Variants in NDUFS1 observed in about 807,000 individuals in gnomAD.
NDUFS1 encodes the protein NADH-ubiquinone oxidoreductase 75 kDa subunit, mitochondrial.
A neutral mutation model predicts 84.4 loss-of-function variants in NDUFS1; 61 were observed. The observed-to-expected ratio is 0.72, with a 90% confidence interval of 0.59 to 0.89. The LOEUF (loss-of-function observed/expected upper bound fraction) is 0.89. NDUFS1 is among the 40% of genes least tolerant of loss of function. The pLI is 0.00. For missense variants in NDUFS1, 891 were observed against 890.0 expected (o/e 1.00, Z -0.01); for synonymous variants, 275 against 290.0 (o/e 0.95, Z 0.53).
Position 206,117,578 on chromosome 2 carries a change from T to G in NDUFS1, c.*6607A>C, listed in dbSNP as rs1275497027. 1 of 152,238 alleles carries G rather than the reference T, an allele frequency of 6.6e-6. No individual in the cohort carries two copies. The highest frequency in any genetic ancestry group is 1.5e-5 in the Non-Finnish European group (1 of 68,062). The allele number at this position is 152,238 out of a possible 1,614,324, so 9.4% of individuals were successfully genotyped here. On this transcript the variant is annotated 3_prime_UTR_variant, in exon 19 of 19. Transcript: ENST00000233190. ...CCTCCAGAGTAGCTGGGATTACAGG[T>G]GTCTTGCCACCATGCCCGGCTAATT...
In NDUFS1 at chr2:206,155,058, T is replaced by C. The variant is rs1240162736; in HGVS notation, c.-4-1376A>G. 4.0e-5 allele frequency among the ~76,000 whole-genome samples: 6 copies of C among 151,316 alleles called. No homozygotes were observed. The East Asian group carries it at 1.2e-3, about 29-fold the overall frequency. On this transcript the variant is annotated intron_variant, in intron 1 of 18. Transcript: ENST00000233190. ...GATTCTCCTGCCTCAGCCTCCAGAG[T>C]AGCTGAGACTACAGGCATGCACAAC...
chr2:206,151,200 T>A (rs1307730424), intron 3 of NDUFS1, among the ~76,000 whole-genome samples: 1 of 152,206 alleles, frequency 6.6e-6, no homozygotes, highest in Non-Finnish European at 1.5e-5. Flanking sequence ...TCCTGATGGA[T>A]CAAAATATAA....
Position 206,147,575 on chromosome 2 carries a change from T to C in NDUFS1, c.507A>G (p.Val169=), listed in dbSNP as rs1373158974. 4.3e-6 allele frequency: 7 copies of C among 1,614,084 alleles called. No homozygotes were observed. Among genetic ancestry groups the C allele is most frequent in the East Asian group, 4.5e-5 (2 of 44,898 alleles). The part of the protein sequence containing the change: ...AVEDKNIGPL[V]KTIMTRCIQC... Reference sequence around the variant, plus strand: ...GTATACATCTTGTCATGATGGTCTTTACCAATGGCCCAATGTTCTTGTCTT... The same window carrying C: ...GTATACATCTTGTCATGATGGTCTTCACCAATGGCCCAATGTTCTTGTCTT... The change falls in exon 7 of 19, where the codon GTA becomes GTG. Residue 169 remains valine (V), a synonymous_variant. Coordinates refer to ENST00000233190, the MANE Select transcript of NDUFS1 (RefSeq NM_005006.7).
At position 206,147,799 on chromosome 2, in the gene NDUFS1, G is replaced by A; in HGVS notation, c.374C>T (p.Pro125Leu). 4 of 1,614,102 alleles carry A rather than the reference G, an allele frequency of 2.5e-6. No homozygotes were observed. Among genetic ancestry groups the A allele is most frequent in the Non-Finnish European group, 3.4e-6 (4 of 1,179,958 alleles). Reference sequence around the variant, plus strand: ...CTGGTCACAAATAGGACAGTCCAATGGGTGATTTGCTAATAAGAACTCCAT... The same window carrying A: ...CTGGTCACAAATAGGACAGTCCAATAGGTGATTTGCTAATAAGAACTCCAT... ...GVMEFLLANH[P>L]LDCPICDQGG... is the part of the protein sequence containing the mutation. The change falls in exon 6 of 19, where the codon CCA becomes CTA. Residue 125 changes from proline (P) to leucine (L), a missense_variant. Physicochemically the swap from Pro to Leu is moderately conservative, Grantham distance 98. Transcript: ENST00000233190.
At chr2:206,154,922 CTTTTTTT>C (rs71034412) in intron 1 of NDUFS1, among the ~76,000 whole-genome samples, 5 of 100,826 alleles carry the variant, frequency 5.0e-5, no homozygotes, top group African/African-American at 2.1e-4. Context: ...GTGCCCGGCC[CTTTTTTT>C]TTTTTTTTTT....
At chr2:206,142,593 G>C in intron 11 of NDUFS1, 93 bp downstream of exon 11, 1 of 1,465,612 alleles carries the variant, frequency 6.8e-7, no homozygotes, top group Non-Finnish European at 9.5e-7. Flanking sequence ...TAAACTGGGG[G>C]ATATGTTGGA....
At position 206,116,004 on chromosome 2, in the gene NDUFS1, T is replaced by C. The variant is rs1269430114; in HGVS notation, c.*8181A>G. On this transcript the variant is annotated 3_prime_UTR_variant, in exon 19 of 19. Coordinates refer to ENST00000233190, the MANE Select transcript of NDUFS1 (RefSeq NM_005006.7). Reference sequence around the variant, plus strand: ...TGTTAACAGTAGTTTTTTTTTCCCATGGGTAATGCTAAAAGTTGCTATTCT... The same window carrying C: ...TGTTAACAGTAGTTTTTTTTTCCCACGGGTAATGCTAAAAGTTGCTATTCT... 1.2e-5 allele frequency: 9 copies of C among 745,018 alleles called. No homozygotes were observed. In the East Asian group the frequency reaches 1.2e-4, roughly 10 times the overall value. The allele number at this position is 745,018 out of a possible 1,614,324, so 46.2% of individuals were successfully genotyped here. A position where few individuals can be genotyped will look rare whatever the true frequency, so the allele number is the denominator to read the frequency against.
chr2:206,134,209 C>T (rs1691620848), intron 13 of NDUFS1, among the ~76,000 whole-genome samples: 1 of 152,060 alleles, frequency 6.6e-6, no homozygotes, highest in African/African-American at 2.4e-5. Flanking sequence ...TGAAAAATAA[C>T]ACACTCTTTC....
rs1690930007 is a variant in NDUFS1 at position 206,115,851 on chromosome 2, ATAATTTCATGGAT to A, written c.*8321_*8333del. On this transcript the variant is annotated 3_prime_UTR_variant, in exon 19 of 19. Transcript: ENST00000233190. Reference sequence around the variant, plus strand: ...TTTTTGTAACTAATTTTTACCATGGATAATTTCATGGATAATTTCATGAATACTAGAGCCTAGT... The same window carrying A: ...TTTTTGTAACTAATTTTTACCATGGAAATTTCATGAATACTAGAGCCTAGT... 2.1e-6 allele frequency: 1 copy of A among 473,606 alleles called. No homozygotes were observed. Among genetic ancestry groups the A allele is most frequent in the African/African-American group, 2.3e-5 (1 of 42,940 alleles). The allele number at this position is 473,606 out of a possible 1,614,324, so 29.3% of individuals were successfully genotyped here.
chr2:206,157,963 C>CTTCTT (rs539046435), intron 1 of NDUFS1, among the ~76,000 whole-genome samples: 45,765 of 131,342 alleles, frequency 0.35, 9,803 homozygotes, highest in African/African-American at 0.53. Context: ...ATTTCAATAG[C>CTTCTT]TTTTTTTTTT....
intron 1 of NDUFS1, among the ~76,000 whole-genome samples, chr2:206,155,671 G>C (rs1017737417): frequency 6.6e-6 from 1 of 151,956 alleles, no homozygotes; most frequent in South Asian, 2.1e-4. Flanking sequence ...ACCTGCCTTG[G>C]CCTCCCAAAG....
chr2:206,127,495 G>C (rs1275476363), intron 16 of NDUFS1: 3 of 288,342 alleles, frequency 1.0e-5, no homozygotes, highest in Non-Finnish European at 2.0e-5. Flanking sequence ...TCCAGCCTGG[G>C]CAACAGAGAA....
At chr2:206,147,699 A>G (rs1416497760) in intron 6 of NDUFS1, 38 bp from the exon 7 acceptor site, 1 of 1,614,062 alleles carries the variant, frequency 6.2e-7, no homozygotes. Flanking sequence ...TCATGCTGCT[A>G]ATAAAATTAA....
At position 206,141,947 on chromosome 2, in the gene NDUFS1, C is replaced by G; in HGVS notation, c.1256G>C (p.Arg419Pro). 2 of 1,611,104 alleles carry G rather than the reference C, an allele frequency of 1.2e-6. No homozygotes were observed. The highest frequency in any genetic ancestry group is 1.7e-6 in the Non-Finnish European group (2 of 1,177,496). Residue 419 changes from arginine to proline, a missense_variant, in exon 12 of 19, where the codon CGA becomes CCA. Transcript: ENST00000233190. The stretch of plus-strand genomic sequence containing the variant: ...AATAAATACTATTACCAACCTCTTT[C>G]GAATTCTAGCATTAAACAGTGGTGC... ...FEAPLFNARI[R>P]KSWLHNDLKV...
intron 14 of NDUFS1, among the ~76,000 whole-genome samples, chr2:206,132,185 A>C (rs1691539328): frequency 6.6e-6 from 1 of 152,072 alleles, no homozygotes; most frequent in Non-Finnish European, 1.5e-5. Flanking sequence ...AAATGCATGA[A>C]AATAGTAATA....
chr2:206,145,574 G>A (rs1575982054), intron 8 of NDUFS1, among the ~76,000 whole-genome samples: 1 of 152,148 alleles, frequency 6.6e-6, no homozygotes, highest in Non-Finnish European at 1.5e-5. Context: ...GGGAGATTAA[G>A]GAGCTCAAAA....
chr2:206,144,775 T>C, intron 9 of NDUFS1, 117 bp downstream of exon 9: 1 of 1,055,272 alleles, frequency 9.5e-7, no homozygotes, highest in Non-Finnish European at 1.4e-6. Flanking sequence ...GCAACTCAGA[T>C]TCCAGTAGTC....
intron 1 of NDUFS1, among the ~76,000 whole-genome samples, chr2:206,154,673 G>C (rs1687562985): frequency 6.6e-6 from 1 of 152,122 alleles, no homozygotes; most frequent in South Asian, 2.1e-4. Context: ...ACCCAGACTG[G>C]AGTGCACTGG....
intron 2 of NDUFS1, among the ~76,000 whole-genome samples, chr2:206,152,890 G>C (rs1692429786): frequency 6.6e-6 from 1 of 151,798 alleles, no homozygotes; most frequent in South Asian, 2.1e-4. Context: ...TTTTAGTAGA[G>C]ACAGGGTTTC....
Sources: gnomAD v4.1 joint callset for allele counts (sites outside exome capture counted in the v4.1 genomes callset) on GRCh38, gnomAD v4.1.1 for gene constraint, MANE v1.5 for transcripts, NCBI Gene and HGNC (gene_info 2026-07-23, HGNC 2026-07-21) for gene names.